Variants in CAMTA1 observed in about 807,000 individuals in gnomAD.
CAMTA1 encodes the protein calmodulin binding transcription activator 1, also known as calmodulin-binding transcription activator 1.
Under a neutral mutation model 170.9 loss-of-function variants are expected in CAMTA1, and 27 were observed. The ratio of observed to expected loss-of-function variants is 0.16; its 90% CI spans 0.12 to 0.22. The LOEUF is 0.22. Ranked by LOEUF, CAMTA1 falls within the 10% of genes least tolerant of loss-of-function variation. The probability of loss-of-function intolerance (pLI) is 1.00; values close to 1 mark genes in which losing one functional copy is unlikely to be tolerated. For synonymous variants in CAMTA1, 833 were observed against 891.5 expected, an observed-to-expected ratio of 0.93 and a Z score of 1.17; for missense variants, 1,619 against 2,217.2, an observed-to-expected ratio of 0.73 and a Z score of 5.42.
chr1:6,924,689 C>T (rs1452021856), intron 3 of CAMTA1, among the ~76,000 whole-genome samples: 1 of 152,208 alleles, frequency 6.6e-6, no homozygotes, highest in Non-Finnish European at 1.5e-5. Flanking sequence ...GAAGCATGTT[C>T]CAGCTTCTTT....
intron 6 of CAMTA1, among the ~76,000 whole-genome samples, chr1:7,638,008 A>C (rs1418456440): frequency 6.6e-6 from 1 of 152,198 alleles, no homozygotes; most frequent in Non-Finnish European, 1.5e-5. Context: ...TGGCAGGAAA[A>C]AATCTGTTTA....
chr1:7,530,018 G>A (rs986317405), intron 6 of CAMTA1, among the ~76,000 whole-genome samples: 1 of 152,176 alleles, frequency 6.6e-6, no homozygotes, highest in African/African-American at 2.4e-5. Context: ...AGCTGAGTGG[G>A]GTCTCTCTGG....
In CAMTA1 at chr1:7,064,720, C is replaced by T. The variant is rs980615136; in HGVS notation, c.235-26584C>T. The stretch of plus-strand genomic sequence containing the variant: ...AGTGGGGGCTGGAGTCCAGAGATTG[C>T]AGAGCATGCTGGTACTGGAGGGTGG... On this transcript the variant is annotated intron_variant, in intron 3 of 22. Transcript: ENST00000303635. The surrounding 1 kb of genome is among the most constrained non-coding windows in gnomAD (Gnocchi z 5.4). Among the ~76,000 whole-genome samples the T allele has an allele frequency of 2.7e-5, 4 of 146,878 alleles. No individual in the cohort carries two copies. The highest frequency in any genetic ancestry group is 5.9e-5 in the Non-Finnish European group (4 of 67,332).
intron 6 of CAMTA1, among the ~76,000 whole-genome samples, chr1:7,574,109 A>G (rs534626700): frequency 1.7e-5 from 2 of 118,474 alleles, no homozygotes; most frequent in East Asian, 4.0e-4. Flanking sequence ...TACCTGAGCC[A>G]GGAGAGGGCT....
At chr1:6,880,386 T>G (rs959233959) in intron 3 of CAMTA1, among the ~76,000 whole-genome samples, 2 of 140,076 alleles carry the variant, frequency 1.4e-5, no homozygotes, top group Non-Finnish European at 3.1e-5. Context: ...TAAAAGTGTT[T>G]TTTTTTTTTT....
At chr1:7,489,186 G>A (rs763051918) in intron 6 of CAMTA1, among the ~76,000 whole-genome samples, 1 of 152,232 alleles carries the variant, frequency 6.6e-6, no homozygotes, top group Non-Finnish European at 1.5e-5. Flanking sequence ...GGGAAGGGGG[G>A]CCATGATGCC....
intron 3 of CAMTA1, among the ~76,000 whole-genome samples, chr1:6,839,564 A>C (rs1418488897): frequency 6.6e-6 from 1 of 152,310 alleles, no homozygotes; most frequent in East Asian, 1.9e-4. Flanking sequence ...AAACAATACA[A>C]AAGTAAACAA....
chr1:7,450,999 CA>C (rs1445474733), intron 5 of CAMTA1, among the ~76,000 whole-genome samples: 2 of 152,180 alleles, frequency 1.3e-5, no homozygotes, highest in Non-Finnish European at 2.9e-5. Flanking sequence ...TCGGGAGAAG[CA>C]GGTGTAATTA....
At chr1:7,424,905 C>T (rs77251594) in intron 5 of CAMTA1, among the ~76,000 whole-genome samples, 2,240 of 152,158 alleles carry the variant, frequency 0.015, 63 homozygotes, top group African/African-American at 0.05. Flanking sequence ...CCTCCCAGAA[C>T]GCTGTCTTCT....
intron 6 of CAMTA1, among the ~76,000 whole-genome samples, chr1:7,515,802 CTT>C (rs2094276976): frequency 6.6e-6 from 1 of 152,190 alleles, no homozygotes; most frequent in African/African-American, 2.4e-5. Flanking sequence ...CTCCACGACT[CTT>C]TTCCTTCCTT....
rs754146311 is a variant in CAMTA1 at position 7,607,463 on chromosome 1, GTGGA to G, written c.511-32919_511-32916del. Among the ~76,000 whole-genome samples the G allele has an allele frequency of 3.1e-4, 46 of 150,254 alleles. 1 individual carries two copies. The highest frequency in any genetic ancestry group is 1.0e-3 in the East Asian group (5 of 5,012). ...GATAGGTGGGTGGATGGATGGATGG[GTGGA>G]TGGATGGATGGATGGATAGATGGAT... On this transcript the variant is annotated intron_variant, in intron 6 of 22. Transcript: ENST00000303635.
In CAMTA1 at chr1:7,738,987, A is replaced by T. The variant is rs1167274754; in HGVS notation, c.4182+505A>T. ...GGGCAGCGAAATATTCCTGAAGCTG[A>T]TAATTGATTGCCCTTATAATAAATC... On this transcript the variant is annotated intron_variant, in intron 16 of 22. Coordinates refer to ENST00000303635, the MANE Select transcript of CAMTA1 (RefSeq NM_015215.4). The surrounding 1 kb of genome is among the most constrained non-coding windows in gnomAD (Gnocchi z 4.9). Among the ~76,000 whole-genome samples, 1 of 152,214 alleles carries T rather than the reference A, an allele frequency of 6.6e-6. No homozygotes were observed. Among genetic ancestry groups the T allele is most frequent in the East Asian group, 1.9e-4 (1 of 5,196 alleles).
At chr1:6,888,094 A>G (rs993735667) in intron 3 of CAMTA1, 2 of 1,010,648 alleles carry the variant, frequency 2.0e-6, no homozygotes, top group Non-Finnish European at 2.4e-6. Flanking sequence ...CTGTCTCATC[A>G]GAATGGAAGC....
At chr1:7,577,361 C>T (rs1365429993) in intron 6 of CAMTA1, among the ~76,000 whole-genome samples, 1 of 152,116 alleles carries the variant, frequency 6.6e-6, no homozygotes, top group African/African-American at 2.4e-5. Context: ...CCCAACCTCT[C>T]CCAGCCCCTC....
chr1:7,410,698 G>C (rs573914663), intron 5 of CAMTA1, among the ~76,000 whole-genome samples: 1 of 152,330 alleles, frequency 6.6e-6, no homozygotes, highest in Admixed American at 6.5e-5. Flanking sequence ...TGGACCACTT[G>C]ATGACGTCCC....
At chr1:7,179,563 C>T (rs558463133) in intron 4 of CAMTA1, among the ~76,000 whole-genome samples, 1 of 152,164 alleles carries the variant, frequency 6.6e-6, no homozygotes, top group South Asian at 2.1e-4. Flanking sequence ...TACTTTCTAA[C>T]CACGGTGCAC....
intron 4 of CAMTA1, among the ~76,000 whole-genome samples, chr1:7,227,614 C>T (rs575919994): frequency 6.6e-6 from 1 of 152,330 alleles, no homozygotes; most frequent in South Asian, 2.1e-4. Flanking sequence ...CAGGCATGAG[C>T]CATTGCTCCC....
At chr1:7,137,299 C>T (rs1309291892) in intron 4 of CAMTA1, among the ~76,000 whole-genome samples, 1 of 152,182 alleles carries the variant, frequency 6.6e-6, no homozygotes, top group Non-Finnish European at 1.5e-5. Flanking sequence ...GTTGGTAGAG[C>T]CCTCTTTTAG....
intron 4 of CAMTA1, among the ~76,000 whole-genome samples, chr1:7,181,931 A>C (rs1652254339): frequency 6.6e-6 from 1 of 151,962 alleles, no homozygotes; most frequent in African/African-American, 2.4e-5. Context: ...ACTGGGAGGA[A>C]TAGCTCTACC....
Sources: gnomAD v4.1 joint callset for allele counts (sites outside exome capture counted in the v4.1 genomes callset) on GRCh38, gnomAD v4.1.1 for gene constraint, Gnocchi (gnomAD v3.1) non-coding constraint, MANE v1.5 for transcripts, NCBI Gene and HGNC (gene_info 2026-07-23, HGNC 2026-07-21) for gene names.